The following RAVER1 variants were observed in gnomAD, a reference collection of about 807,000 sequenced individuals.
RAVER1 encodes ribonucleoprotein PTB-binding 1.
A neutral mutation model predicts 68.4 loss-of-function variants in RAVER1; 36 were observed. That is an observed-to-expected ratio of 0.53 (90% CI 0.40 to 0.70). The LOEUF (loss-of-function observed/expected upper bound fraction) is 0.70. Among genes scored for constraint, RAVER1 ranks in the 30% least tolerant of loss-of-function variants. RAVER1 has a pLI of 0.00. For synonymous variants in RAVER1, 469 were observed against 472.7 expected, an observed-to-expected ratio of 0.99 and a Z score of 0.10; for missense variants, 933 against 1,019.8, an observed-to-expected ratio of 0.91 and a Z score of 1.16.
intron 1 of RAVER1, among the ~76,000 whole-genome samples, chr19:10,331,363 A>AG (rs1269088987): frequency 8.1e-6 from 1 of 123,012 alleles, no homozygotes. Context: ...TCTCAAAAAA[A>AG]AAAAAAAAAA....
In RAVER1 at chr19:10,318,216, A is replaced by G. The variant is rs2040408313; in HGVS notation, c.1989+13T>C. On this transcript the variant is annotated intron_variant, in intron 11 of 12. Coordinates refer to ENST00000617231, the MANE Select transcript of RAVER1 (RefSeq NM_133452.3). The stretch of plus-strand genomic sequence containing the variant: ...TCCCAGGGGGCCTGTGCTTGGCCAG[A>G]GAGGTTCCTCACCTTACTGAGGTGG... The G allele has an allele frequency of 3.1e-6, 5 of 1,596,376 alleles. No individual in the cohort carries two copies. The Admixed American group carries it at 7.1e-5, about 23-fold the overall frequency.
chr19:10,327,797 A>G (rs2040485474), intron 3 of RAVER1, among the ~76,000 whole-genome samples: 1 of 152,172 alleles, frequency 6.6e-6, no homozygotes, highest in Non-Finnish European at 1.5e-5. Context: ...TGCTGGGGGA[A>G]TGTCCCCTTT....
chr19:10,325,601 C>T (rs2040468877), intron 3 of RAVER1, among the ~76,000 whole-genome samples: 1 of 152,100 alleles, frequency 6.6e-6, no homozygotes, highest in Non-Finnish European at 1.5e-5. Context: ...CGCAGCCTCC[C>T]AAAGTGCTGG....
In RAVER1 at chr19:10,328,228, G is replaced by C. The variant is rs2040488852; in HGVS notation, c.756+414C>G. On this transcript the variant is annotated intron_variant, in intron 3 of 12. Transcript: ENST00000617231. This position sits in a 1 kb window ranked among gnomAD's most constrained non-coding sequence, Gnocchi z 4.4. The stretch of plus-strand genomic sequence containing the variant: ...CATAGTTACAAGAGTGGCCTTGCAT[G>C]CATCTGATAGAGGGACAGTGAGGCC... Among the ~76,000 whole-genome samples, 1 of 152,184 alleles carries C rather than the reference G, an allele frequency of 6.6e-6. No individual in the cohort carries two copies. Among genetic ancestry groups the C allele is most frequent in the African/African-American group, 2.4e-5 (1 of 41,456 alleles).
At chr19:10,325,751 C>T (rs974960271) in intron 3 of RAVER1, among the ~76,000 whole-genome samples, 12 of 151,048 alleles carry the variant, frequency 7.9e-5, no homozygotes, top group Admixed American at 2.6e-4. Context: ...AGGTCGAGGC[C>T]GGAGTGTACT....
intron 2 of RAVER1, 119 bp downstream of exon 2, chr19:10,330,341 C>A: frequency 1.7e-6 from 1 of 586,728 alleles, no homozygotes. Flanking sequence ...GGCAACCTGC[C>A]ATGTTGGCCT....
Position 10,321,106 on chromosome 19 carries a change from C to G in RAVER1, c.1415G>C (p.Arg472Pro). The part of the protein sequence containing the change: ...LTPPPAPVGL[R>P]GSGLRGLQKD... ...CTGGAGGCCTCTGAGGCCAGAGCCTCGGAGCCCCACAGGGGCGGGGGGAGG... is the reference window on the plus strand; with the variant it reads ...CTGGAGGCCTCTGAGGCCAGAGCCTGGGAGCCCCACAGGGGCGGGGGGAGG... The change falls in exon 8 of 13, where the codon CGA becomes CCA. Residue 472 changes from arginine (R) to proline (P), a missense_variant. By Grantham distance (103) the Arg-to-Pro change is moderately radical (BLOSUM62 -2). Coordinates refer to ENST00000617231, the MANE Select transcript of RAVER1 (RefSeq NM_133452.3). 1 of 1,319,252 alleles carries G rather than the reference C, an allele frequency of 7.6e-7. No individual in the cohort carries two copies. Among genetic ancestry groups the G allele is most frequent in the Non-Finnish European group, 9.7e-7 (1 of 1,035,470 alleles). 81.7% of individuals were successfully genotyped at this position (1,319,252 alleles called of 1,614,324 possible). A position where few individuals can be genotyped will look rare whatever the true frequency, so the allele number is the denominator to read the frequency against.
chr19:10,326,590 G>A (rs944856553), intron 3 of RAVER1, among the ~76,000 whole-genome samples: 15 of 151,020 alleles, frequency 9.9e-5, no homozygotes, highest in South Asian at 2.1e-4. Flanking sequence ...GATTACAGGC[G>A]CGTGGCGCCA....
Position 10,322,826 on chromosome 19 carries a change from G to T in RAVER1, c.1079-87C>A. The T allele has an allele frequency of 1.3e-6, 1 of 775,386 alleles. No homozygotes were observed. Among genetic ancestry groups the T allele is most frequent in the Non-Finnish European group, 1.9e-6 (1 of 514,052 alleles). 48.0% of individuals were successfully genotyped at this position (775,386 alleles called of 1,614,324 possible). ...AACACAGCCCTGAACCCATTGATGG[G>T]GCAGGAAACTGACACTCTGGGGCCG... On this transcript the variant is annotated intron_variant, in intron 5 of 12. Transcript: ENST00000617231. This position sits in a 1 kb window ranked among gnomAD's most constrained non-coding sequence, Gnocchi z 4.3.
rs1289301497 is a variant in RAVER1, at chr19:10,317,044, GTC to G, written c.*408_*409del. 8.9e-6 allele frequency: 2 copies of G among 224,296 alleles called. No homozygotes were observed. Among genetic ancestry groups the G allele is most frequent in the Non-Finnish European group, 1.7e-5 (2 of 115,792 alleles). The allele number at this position is 224,296 out of a possible 1,614,324, so 13.9% of individuals were successfully genotyped here. A position where few individuals can be genotyped will look rare whatever the true frequency, so the allele number is the denominator to read the frequency against. On this transcript the variant is annotated 3_prime_UTR_variant, in exon 13 of 13. Transcript: ENST00000617231. The surrounding 1 kb of genome is among the most constrained non-coding windows in gnomAD (Gnocchi z 4.3). ...TTAGAAAAGGAAACAGAAGTCAGTT[GTC>G]AAAGTTAAAAAAAAAGGAGACAGTC...
rs373273339 is a variant in RAVER1, at chr19:10,328,842, C to T, written c.556G>A (p.Ala186Thr). The part of the protein sequence containing the change: ...GFAEYMKKDS[A>T]ARAKSDLLGK... ...AGCAGGTCCGACTTGGCACGGGCAG[C>T]CGAGTCCTTCTTCATGTACTCAGCA... Residue 186 changes from alanine (A) to threonine (T), a missense_variant, in exon 3 of 13, where the codon GCT becomes ACT. Transcript: ENST00000617231. The surrounding 1 kb of genome is among the most constrained non-coding windows in gnomAD (Gnocchi z 4.4). 8.1e-6 allele frequency: 13 copies of T among 1,613,088 alleles called. No homozygotes were observed. Among genetic ancestry groups the T allele is most frequent in the African/African-American group, 2.7e-5 (2 of 74,934 alleles).
chr19:10,320,523 A>G, intron 9 of RAVER1, 132 bp downstream of exon 9: 3 of 764,450 alleles, frequency 3.9e-6, no homozygotes, highest in Non-Finnish European at 6.0e-6. Flanking sequence ...AAAAAAAAAA[A>G]AGCAGAGACC....
intron 1 of RAVER1, among the ~76,000 whole-genome samples, chr19:10,331,684 C>CAAAAA (rs61614587): frequency 1.4e-4 from 10 of 73,230 alleles, no homozygotes; most frequent in Admixed American, 3.8e-4. Flanking sequence ...GACTCCGTCT[C>CAAAAA]AAAAAAAAAA....
At chr19:10,321,815 C>T (rs747605038) in intron 6 of RAVER1, 197 bp from the exon 7 acceptor site, 6 of 394,126 alleles carry the variant, frequency 1.5e-5, no homozygotes, top group Non-Finnish European at 2.7e-5. Context: ...CGAGGGTCTC[C>T]TGAGCTCCAG....
rs141653496 is a variant in RAVER1 at position 10,329,880 on chromosome 19, G to A, written c.286+580C>T. ...CTCCAGAGGGGCCTTTGCAGCTGCTGTTTCTTGAGCATGGAACACTGAGCC... is the reference window on the plus strand; with the variant it reads ...CTCCAGAGGGGCCTTTGCAGCTGCTATTTCTTGAGCATGGAACACTGAGCC... On this transcript the variant is annotated intron_variant, in intron 2 of 12. Coordinates refer to ENST00000617231, the MANE Select transcript of RAVER1 (RefSeq NM_133452.3). This position sits in a 1 kb window ranked among gnomAD's most constrained non-coding sequence, Gnocchi z 4.6. 1.6e-4 allele frequency among the ~76,000 whole-genome samples: 24 copies of A among 152,164 alleles called. No individual in the cohort carries two copies. The East Asian group carries it at 3.9e-3, about 25-fold the overall frequency.
At position 10,324,833 on chromosome 19, in the gene RAVER1, A is replaced by G. The variant is rs1055773240; in HGVS notation, c.757-1267T>C. Among the ~76,000 whole-genome samples, 3 of 152,158 alleles carry G rather than the reference A, an allele frequency of 2.0e-5. No individual in the cohort carries two copies. The South Asian group carries it at 6.2e-4, about 31-fold the overall frequency. ...CCATTCAGCTGGGTCACCTAACATT[A>G]AAGGTGGGCTCCTCGGAGGACATCA... On this transcript the variant is annotated intron_variant, in intron 3 of 12. Transcript: ENST00000617231.
At position 10,316,660 on chromosome 19, in the gene RAVER1, G is replaced by C. The variant is rs140864724; in HGVS notation, c.*794C>G. On this transcript the variant is annotated 3_prime_UTR_variant, in exon 13 of 13. Transcript: ENST00000617231. ...GTGGGGCCGGTTCGCCAAGATGAAG[G>C]CTTTCCCCTTCTACTGTCCCCAGGG... 181 of 738,404 alleles carry C rather than the reference G, an allele frequency of 2.5e-4. No homozygotes were observed. The highest frequency in any genetic ancestry group is 8.8e-4 in the Admixed American group (14 of 15,958). The allele number at this position is 738,404 out of a possible 1,614,324, so 45.7% of individuals were successfully genotyped here. A position where few individuals can be genotyped will look rare whatever the true frequency, so the allele number is the denominator to read the frequency against.
At position 10,321,551 on chromosome 19, in the gene RAVER1, A is replaced by G. The variant is rs1430406330; in HGVS notation, c.1241T>C (p.Leu414Pro). The change falls in exon 7 of 13, where the codon CTC becomes CCC. Residue 414 changes from leucine (L) to proline (P), a missense_variant. Physicochemically the swap from Leu to Pro is moderately conservative, Grantham distance 98. Coordinates refer to ENST00000617231, the MANE Select transcript of RAVER1 (RefSeq NM_133452.3). ...GTTACCTGCAGGCAGCTCCCCGAGG[A>G]GGGGGTTGGCTGGCTGGGCCCCAGG... ...LQPGAQPANP[L>P]LGELPAGGGL... 2 of 1,364,528 alleles carry G rather than the reference A, an allele frequency of 1.5e-6. No individual in the cohort carries two copies. The highest frequency in any genetic ancestry group is 9.5e-7 in the Non-Finnish European group (1 of 1,051,336). The allele number at this position is 1,364,528 out of a possible 1,614,324, so 84.5% of individuals were successfully genotyped here.
rs2040411733 is a variant in RAVER1, at chr19:10,318,484, G to C, written c.1846-112C>G. 1.0e-5 allele frequency: 8 copies of C among 780,190 alleles called. No individual in the cohort carries two copies. The Middle Eastern group carries it at 2.1e-3, about 204-fold the overall frequency. The allele number at this position is 780,190 out of a possible 1,614,324, so 48.3% of individuals were successfully genotyped here. A position where few individuals can be genotyped will look rare whatever the true frequency, so the allele number is the denominator to read the frequency against. Reference sequence around the variant, plus strand: ...AGCGATTCTCCTGCCTCAGCCTCCCGAGTAGCTGGGATTACAGGCATGCGC... The same window carrying C: ...AGCGATTCTCCTGCCTCAGCCTCCCCAGTAGCTGGGATTACAGGCATGCGC... On this transcript the variant is annotated intron_variant, in intron 10 of 12. Coordinates refer to ENST00000617231, the MANE Select transcript of RAVER1 (RefSeq NM_133452.3).
Sources: allele counts gnomAD v4.1 joint callset (sites outside exome capture counted in the v4.1 genomes callset), GRCh38; gene constraint gnomAD v4.1.1; non-coding constraint Gnocchi (gnomAD v3.1); transcripts MANE v1.5; gene names NCBI Gene and HGNC (gene_info 2026-07-23, HGNC 2026-07-21).